Variants in LMF1 observed in about 807,000 individuals in gnomAD.
LMF1 encodes transmembrane protein 112.
LMF1 carries 68 observed loss-of-function variants against 60.6 expected under a neutral mutation model. The ratio of observed to expected loss-of-function variants is 1.12; its 90% CI spans 0.92 to 1.37. The LOEUF (loss-of-function observed/expected upper bound fraction) is 1.37. Among genes scored for constraint, LMF1 ranks in the 40% most tolerant of loss-of-function variants. The pLI, the probability that LMF1 is intolerant of heterozygous loss-of-function variation, is 0.00. For missense variants in LMF1, 948 were observed against 767.2 expected (o/e 1.24, Z -2.78); for synonymous variants, 418 against 324.7 (o/e 1.29, Z -3.09).
In LMF1 at chr16:897,904, C is replaced by T. The variant is rs1011899824; in HGVS notation, c.664-4832G>A. Among the ~76,000 whole-genome samples the T allele has an allele frequency of 7.9e-5, 12 of 152,240 alleles. No homozygotes were observed. The highest frequency in any genetic ancestry group is 1.9e-4 in the African/African-American group (8 of 41,466). ...TGGCATGGGAGGTGGGCTCCGCCCCCGAGTGCTTCAGCTCACGCAGACTTC... is the reference window on the plus strand; with the variant it reads ...TGGCATGGGAGGTGGGCTCCGCCCCTGAGTGCTTCAGCTCACGCAGACTTC... On this transcript the variant is annotated intron_variant, in intron 4 of 10. Transcript: ENST00000262301. The surrounding 1 kb of genome is among the most constrained non-coding windows in gnomAD (Gnocchi z 4.3).
chr16:889,713 G>C (rs1305006567), intron 5 of LMF1, among the ~76,000 whole-genome samples: 2 of 152,194 alleles, frequency 1.3e-5, no homozygotes, highest in Admixed American at 1.3e-4. Flanking sequence ...GCACGGCTCG[G>C]GGGTTGCAGG....
At chr16:861,008 C>G (rs1054981129) in intron 10 of LMF1, among the ~76,000 whole-genome samples, 1 of 145,438 alleles carries the variant, frequency 6.9e-6, no homozygotes, top group Non-Finnish European at 1.5e-5. Context: ...ATTAACACAT[C>G]TTGCTGGGTT....
intron 3 of LMF1, among the ~76,000 whole-genome samples, chr16:918,439 A>G (rs996601557): frequency 6.6e-6 from 1 of 152,260 alleles, no homozygotes; most frequent in African/African-American, 2.4e-5. Context: ...GTCCACGGAA[A>G]TTAGACTTCG....
intron 1 of LMF1, among the ~76,000 whole-genome samples, chr16:965,757 C>T (rs1367226839): frequency 2.0e-5 from 3 of 152,144 alleles, no homozygotes; most frequent in Non-Finnish European, 2.9e-5. Context: ...ATCTGTCCTG[C>T]TGGGCCGCAC....
At chr16:952,674 A>G (rs9931177) in intron 2 of LMF1, 72,578 of 152,678 alleles carry the variant, frequency 0.48, 19,036 homozygotes, top group African/African-American at 0.7. Flanking sequence ...CACAAGAGCC[A>G]TCCTCAGTCT....
intron 5 of LMF1, among the ~76,000 whole-genome samples, chr16:889,378 CTGCGGATGGCCG>C (rs1359040517): frequency 8.0e-5 from 12 of 149,778 alleles, no homozygotes; most frequent in African/African-American, 2.0e-4. Context: ...GGGTGTGAGG[CTGCGGATGGCCG>C]TGGGTGTGAG....
chr16:935,650 G>C (rs898442054), intron 2 of LMF1, among the ~76,000 whole-genome samples: 4 of 151,984 alleles, frequency 2.6e-5, no homozygotes, highest in African/African-American at 9.7e-5. Context: ...CCTGAGCCGC[G>C]TGTGGACAAG....
intron 1 of LMF1, among the ~76,000 whole-genome samples, chr16:977,253 A>C (rs1487355058): frequency 1.3e-5 from 2 of 152,208 alleles, no homozygotes; most frequent in Non-Finnish European, 2.9e-5. Context: ...TGGCACTGCC[A>C]GCACCCGAGA....
At chr16:970,076 G>C (rs545881466) in intron 1 of LMF1, among the ~76,000 whole-genome samples, 7 of 152,238 alleles carry the variant, frequency 4.6e-5, no homozygotes, top group Admixed American at 1.3e-4. Context: ...TGAGGCGCAG[G>C]CTTCACTTGC....
At chr16:943,658 T>G (rs1195944819) in intron 2 of LMF1, among the ~76,000 whole-genome samples, 1 of 129,162 alleles carries the variant, frequency 7.7e-6, no homozygotes, top group Non-Finnish European at 1.5e-5. Context: ...ACCTGCGAGG[T>G]GGAGGTTGAA....
chr16:976,218 G>C (rs1284928650), intron 1 of LMF1: 1 of 447,372 alleles, frequency 2.2e-6, no homozygotes, highest in Non-Finnish European at 4.5e-6. Flanking sequence ...GGGGCCCAGG[G>C]CCTCGCATCC....
chr16:901,175 GTCC>G (rs1201579758), intron 4 of LMF1: 1 of 152,222 alleles, frequency 6.6e-6, no homozygotes, highest in Non-Finnish European at 1.5e-5. Flanking sequence ...TACTGATATT[GTCC>G]AGGTCTGAGA....
intron 4 of LMF1, chr16:900,520 A>C (rs12598518): frequency 0.041 from 6,246 of 151,002 alleles, 150 homozygotes; most frequent in East Asian, 0.097. Context: ...CTTTTCTTTT[A>C]TTTTTTTGAG....
chr16:976,187 G>A (rs2187840), intron 1 of LMF1: 95,705 of 451,826 alleles, frequency 0.21, 11,681 homozygotes, highest in South Asian at 0.33. Context: ...CAGTGCCTGG[G>A]CCACGGATGG....
intron 5 of LMF1, among the ~76,000 whole-genome samples, chr16:883,250 C>T (rs1011388353): frequency 1.3e-5 from 2 of 151,076 alleles, no homozygotes; most frequent in Admixed American, 6.6e-5. Context: ...GAGCCTATCA[C>T]AGGACCAGGA....
Position 934,329 on chromosome 16 carries a change from G to A in LMF1, c.504-75C>T, listed in dbSNP as rs1010256029. 7 of 1,573,962 alleles carry A rather than the reference G, an allele frequency of 4.4e-6. 1 individual carries two copies. The African/African-American group carries it at 5.4e-5, about 12-fold the overall frequency. On this transcript the variant is annotated intron_variant, in intron 2 of 10. Coordinates refer to ENST00000262301, the MANE Select transcript of LMF1 (RefSeq NM_022773.4). The stretch of plus-strand genomic sequence containing the variant: ...CAAAAACCCACTGTTTCCCCACTGA[G>A]TGAAGCCCACCCTGGCACCCAGCAC...
chr16:958,451 T>C (rs1597078408), intron 1 of LMF1, among the ~76,000 whole-genome samples: 1 of 151,850 alleles, frequency 6.6e-6, no homozygotes, highest in Non-Finnish European at 1.5e-5. Flanking sequence ...GGCCACAAGG[T>C]CTGAACAGAC....
chr16:874,996 G>C lies in LMF1; in HGVS notation c.898-3655C>G, dbSNP rs1181315162. Among the ~76,000 whole-genome samples the C allele has an allele frequency of 6.6e-6, 1 of 152,200 alleles. No homozygotes were observed. The highest frequency in any genetic ancestry group is 1.9e-4 in the East Asian group (1 of 5,202). On this transcript the variant is annotated intron_variant, in intron 6 of 10. Coordinates refer to ENST00000262301, the MANE Select transcript of LMF1 (RefSeq NM_022773.4). This position sits in a 1 kb window ranked among gnomAD's most constrained non-coding sequence, Gnocchi z 4.1. ...GAGGGGGCAGGATACATCGCAGCCG[G>C]GACTGCCGGCCGACCATCTTGTCTT...
At chr16:947,339 T>A (rs1597050003) in intron 2 of LMF1, 1 of 384,112 alleles carries the variant, frequency 2.6e-6, no homozygotes. Flanking sequence ...CCCACCCAGT[T>A]GGGGCTACGC....
Sources: allele counts gnomAD v4.1 joint callset (sites outside exome capture counted in the v4.1 genomes callset), GRCh38; gene constraint gnomAD v4.1.1; non-coding constraint Gnocchi (gnomAD v3.1); transcripts MANE v1.5; gene names NCBI Gene and HGNC (gene_info 2026-07-23, HGNC 2026-07-21).